Variants in BTG4 observed in about 807,000 individuals in gnomAD.
The protein encoded by BTG4 is BTG anti-proliferation factor 4.
BTG4 carries 10 observed loss-of-function variants against 19.3 expected under a neutral mutation model. The ratio of observed to expected loss-of-function variants is 0.52; its 90% CI spans 0.32 to 0.88. BTG4 has a LOEUF of 0.88. Ranked by LOEUF, BTG4 falls within the 40% of genes least tolerant of loss-of-function variation. The pLI is 0.04. For synonymous variants in BTG4, 91 were observed against 95.7 expected (o/e 0.95, Z 0.29); for missense variants, 238 against 281.9 (o/e 0.84, Z 1.11).
chr11:111,476,135 T>TAC (rs55989357), intron 5 of BTG4, among the ~76,000 whole-genome samples: 4,445 of 148,650 alleles, frequency 0.03, 216 homozygotes, highest in African/African-American at 0.1. Context: ...CCAGAATAGA[T>TAC]ACACACACAC....
intron 5 of BTG4, among the ~76,000 whole-genome samples, chr11:111,476,159 C>CACAT (rs768527245): frequency 1.3e-5 from 2 of 151,578 alleles, no homozygotes; most frequent in Non-Finnish European, 2.9e-5. Context: ...CACACACACA[C>CACAT]AATAAAATAT....
chr11:111,467,518 CA>C, downstream of BTG4: 1 of 541,018 alleles, frequency 1.8e-6, no homozygotes, highest in Admixed American at 3.7e-5. Context: ...AATTTTTTAG[CA>C]AAAGGATAGG....
chr11:111,453,383 C>A, the BTG4 span: 1 of 435,158 alleles, frequency 2.3e-6, no homozygotes, highest in Non-Finnish European at 4.7e-6. Flanking sequence ...CCCTTCCCTT[C>A]CCACTCCCCA....
the BTG4 span, among the ~76,000 whole-genome samples, chr11:111,433,730 A>G: frequency 2.6e-4 from 39 of 151,874 alleles, no homozygotes; most frequent in Admixed American, 1.3e-4. Flanking sequence ...CCCCATCAAA[A>G]AGTGGGCAAA....
chr11:111,445,792 G>A, the BTG4 span, among the ~76,000 whole-genome samples: 42 of 152,154 alleles, frequency 2.8e-4, no homozygotes, highest in Non-Finnish European at 5.6e-4. Flanking sequence ...CTCAGGACAA[G>A]ACACTTCCTC....
the BTG4 span, among the ~76,000 whole-genome samples, chr11:111,392,496 T>C: frequency 2.6e-5 from 4 of 152,150 alleles, no homozygotes; most frequent in Non-Finnish European, 4.4e-5. Flanking sequence ...TTTCAAACTT[T>C]GTCATGCATC....
At chr11:111,474,797 C>G (rs1864302107) in intron 5 of BTG4, among the ~76,000 whole-genome samples, 1 of 152,128 alleles carries the variant, frequency 6.6e-6, no homozygotes, top group Admixed American at 6.6e-5. Flanking sequence ...CCATTTCTAT[C>G]AGCACTTAGT....
the BTG4 span, among the ~76,000 whole-genome samples, chr11:111,442,508 G>GTATA: frequency 2.0e-3 from 138 of 68,310 alleles, no homozygotes; most frequent in African/African-American, 7.0e-3. Flanking sequence ...CAAAAAAAAT[G>GTATA]TATACACACA....
At chr11:111,470,097 T>G (rs557116079) in intron 5 of BTG4, 1 of 152,588 alleles carries the variant, frequency 6.6e-6, no homozygotes, top group Admixed American at 6.5e-5. Context: ...TATGACAATA[T>G]TTTTTGTTTT....
intron 1 of BTG4, among the ~76,000 whole-genome samples, chr11:111,509,177 C>T (rs1443322862): frequency 6.6e-6 from 1 of 151,964 alleles, no homozygotes; most frequent in Non-Finnish European, 1.5e-5. Flanking sequence ...TTATAAAAAC[C>T]GCTGGCAGTT....
the BTG4 span, among the ~76,000 whole-genome samples, chr11:111,448,004 G>A: frequency 6.4e-4 from 97 of 152,290 alleles, no homozygotes; most frequent in African/African-American, 2.3e-3. Flanking sequence ...CTCAGCATCT[G>A]TCCACCCTCT....
chr11:111,387,954 T>TA, the BTG4 span, among the ~76,000 whole-genome samples: 2 of 152,118 alleles, frequency 1.3e-5, no homozygotes, highest in Non-Finnish European at 2.9e-5. Flanking sequence ...TTTGCCTCCA[T>TA]ATTACCAACA....
At chr11:111,398,821 G>A in the BTG4 span, among the ~76,000 whole-genome samples, 16 of 151,984 alleles carry the variant, frequency 1.1e-4, no homozygotes, top group African/African-American at 3.6e-4. Flanking sequence ...TTTGAATGGG[G>A]CCCAGTCTTC....
upstream of BTG4, chr11:111,513,300 G>C: frequency 2.1e-6 from 1 of 471,842 alleles, no homozygotes; most frequent in Non-Finnish European, 4.3e-6. Context: ...TGTATGCTGT[G>C]ATTCACTGTG....
the BTG4 span, among the ~76,000 whole-genome samples, chr11:111,426,785 C>T: frequency 4.6e-5 from 7 of 152,240 alleles, no homozygotes; most frequent in African/African-American, 2.4e-5. Flanking sequence ...CAGAGGCAGG[C>T]AGGCCCGGGC....
At chr11:111,410,779 C>T in the BTG4 span, among the ~76,000 whole-genome samples, 1 of 152,064 alleles carries the variant, frequency 6.6e-6, no homozygotes, top group Non-Finnish European at 1.5e-5. Context: ...GCATTTCTAA[C>T]TTAACATGTC....
the BTG4 span, among the ~76,000 whole-genome samples, chr11:111,440,067 A>C: frequency 1.3e-5 from 2 of 152,160 alleles, no homozygotes; most frequent in Admixed American, 6.5e-5. Flanking sequence ...CTCTGTTGGC[A>C]TTGGCTGGGG....
the BTG4 span, chr11:111,449,629 C>T: frequency 1.3e-5 from 2 of 152,352 alleles, no homozygotes; most frequent in African/African-American, 4.8e-5. Flanking sequence ...TTTGCACTCT[C>T]AGGCAGTTCC....
chr11:111,410,549 A>G, the BTG4 span, among the ~76,000 whole-genome samples: 1 of 152,154 alleles, frequency 6.6e-6, no homozygotes, highest in Admixed American at 6.5e-5. Flanking sequence ...CCATGCACGG[A>G]GAGATAGCAT....
Sources: gnomAD v4.1 joint callset for allele counts (sites outside exome capture counted in the v4.1 genomes callset) on GRCh38, gnomAD v4.1.1 for gene constraint, MANE v1.5 for transcripts, NCBI Gene and HGNC (gene_info 2026-07-23, HGNC 2026-07-21) for gene names.